Variants in CLDN16 observed in about 807,000 individuals in gnomAD.
The protein encoded by CLDN16 is claudin 16, also known as claudin-16.
CLDN16 carries 13 observed loss-of-function variants against 24.6 expected under a neutral mutation model. The observed-to-expected ratio is 0.53, with a 90% CI of 0.34 to 0.84. The LOEUF (loss-of-function observed/expected upper bound fraction) is 0.84. Among genes scored for constraint, CLDN16 ranks in the 40% least tolerant of loss-of-function variants. CLDN16 has a pLI of 0.01. For missense variants in CLDN16, 298 were observed against 292.7 expected, an observed-to-expected ratio of 1.02 and a Z score of -0.13; for synonymous variants, 116 against 106.7, an observed-to-expected ratio of 1.09 and a Z score of -0.54.
chr3:190,300,658 C>T, the CLDN16 span, among the ~76,000 whole-genome samples: 4 of 152,204 alleles, frequency 2.6e-5, no homozygotes, highest in African/African-American at 7.2e-5. Context: ...CTGATCCCTC[C>T]GATCCCTGGC....
intron 1 of CLDN16, among the ~76,000 whole-genome samples, chr3:190,360,915 C>A (rs1717873596): frequency 6.6e-6 from 1 of 151,912 alleles, no homozygotes; most frequent in Non-Finnish European, 1.5e-5. Flanking sequence ...CATATTTACC[C>A]CCACTGTTCT....
At chr3:190,405,948 T>C (rs187484055) in intron 3 of CLDN16, among the ~76,000 whole-genome samples, 2 of 152,344 alleles carry the variant, frequency 1.3e-5, no homozygotes, top group African/African-American at 4.8e-5. Flanking sequence ...AGGAAAAATC[T>C]TGTCTGCTAA....
intron 2 of CLDN16, among the ~76,000 whole-genome samples, chr3:190,373,291 C>A (rs1718180170): frequency 6.6e-6 from 1 of 151,892 alleles, no homozygotes; most frequent in Non-Finnish European, 1.5e-5. Flanking sequence ...TGCTCCTTGT[C>A]CCTCATTCAT....
chr3:190,335,165 TC>T (rs1197148221), intron 1 of CLDN16, among the ~76,000 whole-genome samples: 1 of 151,698 alleles, frequency 6.6e-6, no homozygotes, highest in Non-Finnish European at 1.5e-5. Context: ...TGCCACAGCC[TC>T]CCTAGTAGCT....
chr3:190,382,413 A>G (rs1044502099), intron 3 of CLDN16, among the ~76,000 whole-genome samples: 5 of 152,144 alleles, frequency 3.3e-5, no homozygotes, highest in Admixed American at 2.6e-4. Flanking sequence ...CTTGAATTCT[A>G]TGAAAGAAAA....
At chr3:190,367,519 A>G (rs11712504) in intron 1 of CLDN16, among the ~76,000 whole-genome samples, 7,839 of 152,038 alleles carry the variant, frequency 0.052, 308 homozygotes, top group Non-Finnish European at 0.08. Context: ...AATATATAAT[A>G]TATTAGGATT....
At chr3:190,363,812 G>A (rs1465494) in intron 1 of CLDN16, among the ~76,000 whole-genome samples, 131,765 of 151,254 alleles carry the variant, frequency 0.87, 57,446 homozygotes, top group East Asian at 0.94. Flanking sequence ...GCACCTACCC[G>A]GATAGATTCA....
intron 3 of CLDN16, among the ~76,000 whole-genome samples, chr3:190,379,886 T>C (rs1718321343): frequency 6.6e-6 from 1 of 152,106 alleles, no homozygotes; most frequent in African/African-American, 2.4e-5. Flanking sequence ...GCATTAATCA[T>C]TTCCTCATTT....
chr3:190,391,434 C>T (rs1718661965), intron 1 of CLDN16, among the ~76,000 whole-genome samples: 1 of 151,936 alleles, frequency 6.6e-6, no homozygotes, highest in African/African-American at 2.4e-5. Context: ...TAATAAAAAG[C>T]ATAAATAAAT....
At chr3:190,399,766 C>T (rs144619001) in intron 1 of CLDN16, among the ~76,000 whole-genome samples, 2 of 152,052 alleles carry the variant, frequency 1.3e-5, no homozygotes, top group Non-Finnish European at 2.9e-5. Context: ...TCCACAACCC[C>T]CAGGCCACAG....
the CLDN16 span, among the ~76,000 whole-genome samples, chr3:190,303,039 T>C: frequency 1.3e-5 from 2 of 151,684 alleles, no homozygotes; most frequent in African/African-American, 4.8e-5. Flanking sequence ...ATTTAAAATA[T>C]TTATTTCCAC....
At chr3:190,325,869 G>C (rs1717049513) in intron 1 of CLDN16, among the ~76,000 whole-genome samples, 1 of 152,140 alleles carries the variant, frequency 6.6e-6, no homozygotes, top group Admixed American at 6.5e-5. Context: ...ATTATTTAGG[G>C]CTTGAGAAAA....
chr3:190,407,443 T>C (rs745690347), intron 3 of CLDN16, among the ~76,000 whole-genome samples: 2 of 152,190 alleles, frequency 1.3e-5, no homozygotes, highest in Non-Finnish European at 2.9e-5. Flanking sequence ...AGACAACATA[T>C]AGATTACTGA....
At chr3:190,373,939 T>C (rs1200420545) in intron 2 of CLDN16, among the ~76,000 whole-genome samples, 1 of 151,866 alleles carries the variant, frequency 6.6e-6, no homozygotes. Context: ...AAAAGACTCA[T>C]CTTACTTGTT....
Position 190,364,702 on chromosome 3 carries a change from C to T in CLDN16, n.122-6191C>T, listed in dbSNP as rs142726769. Among the ~76,000 whole-genome samples, 20 of 151,966 alleles carry T rather than the reference C, an allele frequency of 1.3e-4. No homozygotes were observed. The East Asian group carries it at 2.5e-3, about 19-fold the overall frequency. On this transcript the variant is annotated intron_variant and non_coding_transcript_variant, in intron 1 of 4. Transcript: ENST00000468220. The stretch of plus-strand genomic sequence containing the variant: ...TGCCTGCACTGCAGTCTAGAACTTT[C>T]GAAGAGCCCTTTATCGTGCTGGGTC...
chr3:190,327,359 G>A (rs1717087303), intron 1 of CLDN16, among the ~76,000 whole-genome samples: 1 of 152,122 alleles, frequency 6.6e-6, no homozygotes, highest in Admixed American at 6.5e-5. Flanking sequence ...ATCTGGGCTG[G>A]TATTAACCTA....
chr3:190,322,122 G>A (rs753263578), upstream of CLDN16: 3 of 1,614,200 alleles, frequency 1.9e-6, no homozygotes, highest in Non-Finnish European at 2.5e-6. Flanking sequence ...ATCCTCCACT[G>A]GGGCAGGGCA....
At chr3:190,307,153 G>A in the CLDN16 span, 1 of 152,724 alleles carries the variant, frequency 6.5e-6, no homozygotes, top group South Asian at 2.1e-4. Flanking sequence ...AGAAAAAAGA[G>A]GTAGAAAGAT....
intron 3 of CLDN16, among the ~76,000 whole-genome samples, 169 bp from the exon 4 acceptor site, chr3:190,408,145 C>A (rs902174259): frequency 4.6e-5 from 7 of 152,124 alleles, no homozygotes; most frequent in Non-Finnish European, 2.9e-5. Flanking sequence ...AGATGGAAGG[C>A]AAAAGGAAGA....
Sources: gnomAD v4.1 joint callset for allele counts (sites outside exome capture counted in the v4.1 genomes callset) on GRCh38, gnomAD v4.1.1 for gene constraint, MANE v1.5 for transcripts, NCBI Gene and HGNC (gene_info 2026-07-23, HGNC 2026-07-21) for gene names.